Variants in CHST15 observed in about 807,000 individuals in gnomAD.
CHST15 encodes the protein carbohydrate sulfotransferase 15.
In CHST15, 30 loss-of-function variants were observed where a neutral mutation model predicts 53.6. That is an observed-to-expected ratio of 0.56 (90% CI 0.42 to 0.76). CHST15 has a LOEUF of 0.76. Among genes scored for constraint, CHST15 ranks in the 30% least tolerant of loss-of-function variants. CHST15 has a pLI of 0.00. For synonymous variants in CHST15, 296 were observed against 289.8 expected (o/e 1.02, Z -0.22); for missense variants, 627 against 740.5 (o/e 0.85, Z 1.78).
At chr10:124,055,482 A>G (rs1948345518) in intron 1 of CHST15, among the ~76,000 whole-genome samples, 1 of 152,298 alleles carries the variant, frequency 6.6e-6, no homozygotes, top group East Asian at 1.9e-4. Context: ...TGCATATATT[A>G]TAATTCCAGA....
intron 1 of CHST15, among the ~76,000 whole-genome samples, chr10:124,071,870 G>A (rs1590340007): frequency 6.6e-6 from 1 of 152,084 alleles, no homozygotes; most frequent in Middle Eastern, 3.2e-3. Flanking sequence ...CCATTCTTCG[G>A]CCGTCCTAGT....
intron 1 of CHST15, among the ~76,000 whole-genome samples, chr10:124,084,023 T>C (rs4929814): frequency 0.67 from 101,367 of 152,070 alleles, 34,040 homozygotes; most frequent in African/African-American, 0.73. Context: ...AGAGGGTGCC[T>C]AGGCAGAGAG....
intron 5 of CHST15, among the ~76,000 whole-genome samples, chr10:124,034,520 G>T (rs973042342): frequency 1.3e-5 from 2 of 151,608 alleles, no homozygotes; most frequent in Non-Finnish European, 2.9e-5. Flanking sequence ...AGGGACCCTG[G>T]CTCCACCCCT....
In CHST15 at chr10:124,008,897, A is replaced by T; in HGVS notation, c.*1252T>A. The T allele has an allele frequency of 9.3e-6, 12 of 1,286,804 alleles. No homozygotes were observed. Among genetic ancestry groups the T allele is most frequent in the Non-Finnish European group, 1.2e-5 (12 of 986,668 alleles). The allele number at this position is 1,286,804 out of a possible 1,614,324, so 79.7% of individuals were successfully genotyped here. On this transcript the variant is annotated 3_prime_UTR_variant, in exon 8 of 8. Transcript: ENST00000435907. Reference sequence around the variant, plus strand: ...CAAGAAACGACAAGATCTCTAGCCCATCCATCGGTAAACCAAGCTGCCAAG... The same window carrying T: ...CAAGAAACGACAAGATCTCTAGCCCTTCCATCGGTAAACCAAGCTGCCAAG...
chr10:124,011,710 G>T (rs1590170646), intron 7 of CHST15: 1 of 985,366 alleles, frequency 1.0e-6, no homozygotes, highest in Non-Finnish European at 1.2e-6. Flanking sequence ...CAGGCCCCTG[G>T]GGGGGCTGGT....
intron 6 of CHST15, among the ~76,000 whole-genome samples, chr10:124,017,548 C>A (rs1467980771): frequency 1.3e-5 from 2 of 152,190 alleles, no homozygotes; most frequent in Non-Finnish European, 2.9e-5. Flanking sequence ...GGCCTCATTC[C>A]AAGCACACAA....
chr10:124,045,831 G>A lies in CHST15; in HGVS notation c.382C>T (p.Pro128Ser). ...SNPSLMDSENPSDTKEHHHQS... is the reference protein window; with the variant it reads ...SNPSLMDSENSSDTKEHHHQS... ...TGGTGATGCTCCTTTGTGTCACTTG[G>A]GTTTTCGCTGTCCATCAAGCTGGGG... is the stretch of plus-strand genomic sequence containing the variant. Residue 128 changes from proline to serine, a missense_variant, in exon 2 of 8, where the codon CCA becomes TCA. By Grantham distance (74) the Pro-to-Ser change is moderately conservative. Coordinates refer to ENST00000435907, the MANE Select transcript of CHST15 (RefSeq NM_001270764.2). The A allele has an allele frequency of 6.2e-7, 1 of 1,613,866 alleles. No homozygotes were observed. The highest frequency in any genetic ancestry group is 1.7e-5 in the Admixed American group (1 of 59,982).
At chr10:124,028,332 G>A (rs533269212) in intron 5 of CHST15, among the ~76,000 whole-genome samples, 55 of 152,328 alleles carry the variant, frequency 3.6e-4, no homozygotes, top group African/African-American at 1.3e-3. Flanking sequence ...TGATGTGGTT[G>A]TTCATCGGCC....
Position 124,009,951 on chromosome 10 carries a change from G to A in CHST15, c.*198C>T. The A allele has an allele frequency of 7.0e-7, 1 of 1,422,986 alleles. No homozygotes were observed. 88.1% of individuals were successfully genotyped at this position (1,422,986 alleles called of 1,614,324 possible). A position where few individuals can be genotyped will look rare whatever the true frequency, so the allele number is the denominator to read the frequency against. On this transcript the variant is annotated 3_prime_UTR_variant, in exon 8 of 8. Coordinates refer to ENST00000435907, the MANE Select transcript of CHST15 (RefSeq NM_001270764.2). ...GTCTCCAATGGCCTCGGATAGAGGA[G>A]CTCTGTGAGGGGTCCATTGCTGAGC... is the stretch of plus-strand genomic sequence containing the variant.
intron 1 of CHST15, among the ~76,000 whole-genome samples, chr10:124,066,565 G>A (rs934035461): frequency 2.0e-5 from 3 of 152,144 alleles, no homozygotes; most frequent in Non-Finnish European, 2.9e-5. Context: ...CAACACAGTC[G>A]ATGACATCGC....
In CHST15 at chr10:124,024,949, G is replaced by C. The variant is rs566862369; in HGVS notation, c.1191-3537C>G. On this transcript the variant is annotated intron_variant, in intron 5 of 7. Coordinates refer to ENST00000435907, the MANE Select transcript of CHST15 (RefSeq NM_001270764.2). This position sits in a 1 kb window ranked among gnomAD's most constrained non-coding sequence, Gnocchi z 4.0. ...TGTCATAAAATCCCACGTTAAATAA[G>C]TATTCGAAGCCCAGTTTTTACCAAA... Among the ~76,000 whole-genome samples, 107 of 152,270 alleles carry C rather than the reference G, an allele frequency of 7.0e-4. No homozygotes were observed. The highest frequency in any genetic ancestry group is 2.5e-3 in the African/African-American group (104 of 41,550).
chr10:124,060,437 TGGA>T (rs1373643036), intron 1 of CHST15, among the ~76,000 whole-genome samples: 3 of 126,332 alleles, frequency 2.4e-5, no homozygotes, highest in South Asian at 2.8e-4. Context: ...CAGGGGTGTG[TGGA>T]GGTGTGCCAG....
rs752574950 is a variant in CHST15 at position 124,025,752 on chromosome 10, G to C, written c.1191-4340C>G. Among the ~76,000 whole-genome samples, 17 of 152,164 alleles carry C rather than the reference G, an allele frequency of 1.1e-4. No individual in the cohort carries two copies. In the South Asian group the frequency reaches 1.5e-3, roughly 13 times the overall value. On this transcript the variant is annotated intron_variant, in intron 5 of 7. Coordinates refer to ENST00000435907, the MANE Select transcript of CHST15 (RefSeq NM_001270764.2). ...TACGGTGGTCCCAAATCCAATGGCA[G>C]GTGTCCTTATAAAAAGAGGAGAGGA... is the stretch of plus-strand genomic sequence containing the variant.
intron 1 of CHST15, among the ~76,000 whole-genome samples, chr10:124,056,308 G>A (rs895947237): frequency 1.3e-5 from 2 of 152,206 alleles, no homozygotes; most frequent in Non-Finnish European, 2.9e-5. Context: ...GGTGAGGGAA[G>A]CATCCCAGGA....
intron 5 of CHST15, among the ~76,000 whole-genome samples, chr10:124,021,800 T>C (rs1415279790): frequency 6.6e-6 from 1 of 152,184 alleles, no homozygotes; most frequent in Non-Finnish European, 1.5e-5. Context: ...CATTCCTCTC[T>C]CCTCTACTGA....
intron 1 of CHST15, among the ~76,000 whole-genome samples, chr10:124,070,087 C>T (rs1948866479): frequency 6.6e-6 from 1 of 152,032 alleles, no homozygotes; most frequent in South Asian, 2.1e-4. Flanking sequence ...AGAGAGCACA[C>T]AAAGGACAGG....
chr10:124,082,580 C>T (rs191301802), intron 1 of CHST15, among the ~76,000 whole-genome samples: 21 of 152,266 alleles, frequency 1.4e-4, no homozygotes, highest in South Asian at 6.2e-4. Context: ...ACCCTAGAAA[C>T]GGAAACACAT....
chr10:124,070,945 T>C (rs1199167009), intron 1 of CHST15, among the ~76,000 whole-genome samples: 2 of 152,192 alleles, frequency 1.3e-5, no homozygotes, highest in African/African-American at 4.8e-5. Context: ...TGGGGTCTCT[T>C]CCAGAAACAG....
At chr10:124,032,389 C>A (rs1947257229) in intron 5 of CHST15, among the ~76,000 whole-genome samples, 1 of 152,178 alleles carries the variant, frequency 6.6e-6, no homozygotes, top group Admixed American at 6.5e-5. Flanking sequence ...AAATCCTTAA[C>A]AGATGGTACA....
Sources: gnomAD v4.1 joint callset for allele counts (sites outside exome capture counted in the v4.1 genomes callset) on GRCh38, gnomAD v4.1.1 for gene constraint, Gnocchi (gnomAD v3.1) non-coding constraint, MANE v1.5 for transcripts, NCBI Gene and HGNC (gene_info 2026-07-23, HGNC 2026-07-21) for gene names.